The following RYR3 variants were observed in gnomAD, a reference collection of about 807,000 sequenced individuals.
The protein encoded by RYR3 is brain ryanodine receptor-calcium release channel.
A neutral mutation model predicts 584.3 loss-of-function variants in RYR3; 207 were observed. The observed-to-expected ratio is 0.35, with a 90% CI of 0.32 to 0.40. The LOEUF (loss-of-function observed/expected upper bound fraction) is 0.40. Among genes scored for constraint, RYR3 ranks in the 10% least tolerant of loss-of-function variants. RYR3 has a pLI of 1.00. For missense variants in RYR3, 5,616 were observed against 6,089.2 expected (o/e 0.92, Z 2.59); for synonymous variants, 2,416 against 2,248.5 (o/e 1.07, Z -2.11).
intron 1 of RYR3, among the ~76,000 whole-genome samples, chr15:33,362,545 T>G (rs534134264): frequency 3.3e-4 from 50 of 152,334 alleles, no homozygotes; most frequent in African/African-American, 1.2e-3. Flanking sequence ...TCTGTTCAAG[T>G]GCTTTTATTG....
chr15:33,387,075 T>A (rs561053443), intron 1 of RYR3, among the ~76,000 whole-genome samples: 2 of 152,230 alleles, frequency 1.3e-5, no homozygotes, highest in South Asian at 4.2e-4. Context: ...GCCAGGATGG[T>A]CTCGATCTCC....
At chr15:33,442,116 C>A (rs2046275166) in intron 1 of RYR3, among the ~76,000 whole-genome samples, 1 of 152,052 alleles carries the variant, frequency 6.6e-6, no homozygotes, top group African/African-American at 2.4e-5. Flanking sequence ...TGAGTGTGTG[C>A]CAAGCAAATA....
chr15:33,809,922 T>C (rs1027443693), intron 70 of RYR3, among the ~76,000 whole-genome samples: 3 of 152,202 alleles, frequency 2.0e-5, no homozygotes, highest in Non-Finnish European at 4.4e-5. Flanking sequence ...TTTCATGTCT[T>C]CAGTTTTTCT....
At chr15:33,767,795 A>G (rs924811110) in intron 60 of RYR3, among the ~76,000 whole-genome samples, 23 of 152,302 alleles carry the variant, frequency 1.5e-4, no homozygotes, top group African/African-American at 5.3e-4. Flanking sequence ...AGTGTCAGTA[A>G]TGTCAGTTCT....
chr15:33,422,256 G>C (rs2044291159), intron 1 of RYR3, among the ~76,000 whole-genome samples: 1 of 152,072 alleles, frequency 6.6e-6, no homozygotes, highest in Non-Finnish European at 1.5e-5. Flanking sequence ...GGTGTCCACT[G>C]AAGGACAATG....
intron 1 of RYR3, among the ~76,000 whole-genome samples, chr15:33,464,463 G>GATATATATATATATAT (rs569756898): frequency 2.5e-5 from 2 of 79,260 alleles, no homozygotes; most frequent in Non-Finnish European, 4.8e-5. Flanking sequence ...GGGAGGTGGA[G>GATATATATATATATAT]ATATATATAT....
Position 33,702,726 on chromosome 15 carries a change from G to A in RYR3, c.6483+1646G>A, listed in dbSNP as rs150906484. ...ATGAGGTGACTCCAAGGGCTGGTCT[G>A]GAGCAAGAAAAGAAGCATAGCCAGG... On this transcript the variant is annotated intron_variant, in intron 42 of 103. Coordinates refer to ENST00000634891, the MANE Select transcript of RYR3 (RefSeq NM_001036.6). Among the ~76,000 whole-genome samples, 860 of 152,170 alleles carry A rather than the reference G, an allele frequency of 5.7e-3. 7 individuals carry two copies. Among genetic ancestry groups the A allele is most frequent in the African/African-American group, 0.019 (793 of 41,502 alleles).
Position 33,311,992 on chromosome 15 carries a change from A to G in RYR3, c.51+896A>G, listed in dbSNP as rs1967386859. Among the ~76,000 whole-genome samples, 1 of 152,210 alleles carries G rather than the reference A, an allele frequency of 6.6e-6. No individual in the cohort carries two copies. Among genetic ancestry groups the G allele is most frequent in the African/African-American group, 2.4e-5 (1 of 41,464 alleles). On this transcript the variant is annotated intron_variant, in intron 1 of 103. Transcript: ENST00000634891. This position sits in a 1 kb window ranked among gnomAD's most constrained non-coding sequence, Gnocchi z 4.4. ...TCCTAGCGCTGACTTCAGCCAAGTG[A>G]CCTTGAGCAAGTCGCATAATCCGCC...
chr15:33,461,277 C>T (rs1421424850), intron 1 of RYR3, among the ~76,000 whole-genome samples: 2 of 152,040 alleles, frequency 1.3e-5, no homozygotes, highest in Non-Finnish European at 2.9e-5. Flanking sequence ...CAGACTAGAC[C>T]CTGGGAACTA....
At chr15:33,612,385 A>T (rs2060239558) in intron 18 of RYR3, among the ~76,000 whole-genome samples, 1 of 152,044 alleles carries the variant, frequency 6.6e-6, no homozygotes, top group African/African-American at 2.4e-5. Context: ...TTTGAGATGG[A>T]GTTTCACTCT....
intron 1 of RYR3, among the ~76,000 whole-genome samples, chr15:33,347,947 ATT>A (rs139105934): frequency 0.14 from 20,087 of 146,340 alleles, 1,652 homozygotes; most frequent in East Asian, 0.28. Flanking sequence ...TGCTACTGGC[ATT>A]TTTTTTTTTT....
chr15:33,775,856 C>T (rs2073962353), intron 64 of RYR3, among the ~76,000 whole-genome samples: 1 of 152,190 alleles, frequency 6.6e-6, no homozygotes, highest in Admixed American at 6.5e-5. Flanking sequence ...TCTTTTGGCC[C>T]CCTTAAAACC....
At position 33,435,496 on chromosome 15, in the gene RYR3, T is replaced by C. The variant is rs576049354; in HGVS notation, c.52-37923T>C. On this transcript the variant is annotated intron_variant, in intron 1 of 103. Coordinates refer to ENST00000634891, the MANE Select transcript of RYR3 (RefSeq NM_001036.6). ...GTGTGTGCTATTTCACATCCTACTG[T>C]AATAAACATTCTTATACTTGTGTGA... Among the ~76,000 whole-genome samples, 31 of 152,324 alleles carry C rather than the reference T, an allele frequency of 2.0e-4. No individual in the cohort carries two copies. The South Asian group carries it at 5.2e-3, about 25-fold the overall frequency.
chr15:33,648,620 G>A (rs750534809), intron 30 of RYR3, among the ~76,000 whole-genome samples: 1 of 152,212 alleles, frequency 6.6e-6, no homozygotes, highest in Non-Finnish European at 1.5e-5. Flanking sequence ...CCCTTTAGAA[G>A]GAGAAAGTGT....
intron 29 of RYR3, among the ~76,000 whole-genome samples, chr15:33,646,911 C>T (rs2062135364): frequency 6.6e-6 from 1 of 152,212 alleles, no homozygotes; most frequent in African/African-American, 2.4e-5. Context: ...CTTTGCATAG[C>T]TATGGGCATT....
At chr15:33,764,140 C>T (rs1020608323) in intron 60 of RYR3, among the ~76,000 whole-genome samples, 5 of 151,992 alleles carry the variant, frequency 3.3e-5, no homozygotes, top group Non-Finnish European at 7.4e-5. Flanking sequence ...ACGTTTATTG[C>T]AGCACTGTTC....
At chr15:33,717,766 G>T (rs1016674930) in intron 43 of RYR3, among the ~76,000 whole-genome samples, 3 of 152,184 alleles carry the variant, frequency 2.0e-5, no homozygotes, top group Admixed American at 6.5e-5. Flanking sequence ...TGTTCCACTG[G>T]TCTCATTCTG....
chr15:33,761,799 C>A (rs940510739), intron 60 of RYR3, among the ~76,000 whole-genome samples: 4 of 152,096 alleles, frequency 2.6e-5, no homozygotes, highest in Admixed American at 6.6e-5. Flanking sequence ...GAGACACATA[C>A]ACACACAAAA....
chr15:33,778,474 G>T (rs2074166701), intron 64 of RYR3, among the ~76,000 whole-genome samples: 1 of 152,174 alleles, frequency 6.6e-6, no homozygotes, highest in Non-Finnish European at 1.5e-5. Flanking sequence ...GTCACCGAGG[G>T]AATTGGCAAC....
Sources: allele counts gnomAD v4.1 joint callset (sites outside exome capture counted in the v4.1 genomes callset), GRCh38; gene constraint gnomAD v4.1.1; non-coding constraint Gnocchi (gnomAD v3.1); transcripts MANE v1.5; gene names NCBI Gene and HGNC (gene_info 2026-07-23, HGNC 2026-07-21).